SLAMF8: variants seen among roughly 807,000 people sequenced by gnomAD.
The protein encoded by SLAMF8 is B lymphocyte activator macrophage expressed.
SLAMF8 carries 23 observed loss-of-function variants against 29.0 expected under a neutral mutation model. That is an observed-to-expected ratio of 0.79 (90% confidence interval 0.57 to 1.13). SLAMF8 has a LOEUF of 1.13. Ranked by LOEUF, SLAMF8 falls within the 50% of genes most tolerant of loss-of-function variation. SLAMF8 has a pLI of 0.00. For missense variants in SLAMF8, 381 were observed against 353.1 expected, an observed-to-expected ratio of 1.08 and a Z score of -0.63; for synonymous variants, 139 against 145.6, an observed-to-expected ratio of 0.96 and a Z score of 0.32.
chr1:159,830,971 C>T (rs932537214), intron 2 of SLAMF8, among the ~76,000 whole-genome samples: 9 of 152,178 alleles, frequency 5.9e-5, no homozygotes, highest in African/African-American at 2.2e-4. Context: ...GAGCCATTCG[C>T]GCAGCTACAT....
At position 159,836,289 on chromosome 1, in the gene SLAMF8, G is replaced by A. The variant is rs541451491; in HGVS notation, c.*1029G>A. On this transcript the variant is annotated 3_prime_UTR_variant, in exon 5 of 5. Transcript: ENST00000289707. ...AAGACTTACCTTAGTTCAAGGGGAG[G>A]GGACAAAGACCCCACAGCCCAACAG... is the stretch of plus-strand genomic sequence containing the variant. 70 of 984,824 alleles carry A rather than the reference G, an allele frequency of 7.1e-5. No homozygotes were observed. Among genetic ancestry groups the A allele is most frequent in the Non-Finnish European group, 8.1e-5 (67 of 829,398 alleles). The allele number at this position is 984,824 out of a possible 1,614,324, so 61.0% of individuals were successfully genotyped here. A position where few individuals can be genotyped will look rare whatever the true frequency, so the allele number is the denominator to read the frequency against.
At chr1:159,829,708 T>C (rs918027305) in intron 1 of SLAMF8, among the ~76,000 whole-genome samples, 158 bp from the exon 2 acceptor site, 1 of 152,194 alleles carries the variant, frequency 6.6e-6, no homozygotes, top group South Asian at 2.1e-4. Context: ...TTATCTTCCA[T>C]ATGTTTTATC....
At chr1:159,833,205 T>G in intron 3 of SLAMF8, 24 bp downstream of exon 3, 1 of 1,614,042 alleles carries the variant, frequency 6.2e-7, no homozygotes, top group Non-Finnish European at 8.5e-7. Context: ...CAGCAGTCAG[T>G]GGTTGAGGGC....
Position 159,837,243 on chromosome 1 carries a change from T to C in SLAMF8, c.*1983T>C, listed in dbSNP as rs1044903644. On this transcript the variant is annotated 3_prime_UTR_variant, in exon 5 of 5. Coordinates refer to ENST00000289707, the MANE Select transcript of SLAMF8 (RefSeq NM_020125.3). ...CACTGCTCTAATAAAGTTCCCATCC[T>C]TAATGACTCACTTGTCAACTAGTGG... The C allele has an allele frequency of 6.1e-6, 6 of 985,328 alleles. No individual in the cohort carries two copies. Among genetic ancestry groups the C allele is most frequent in the East Asian group, 2.3e-4 (2 of 8,822 alleles). 61.0% of individuals were successfully genotyped at this position (985,328 alleles called of 1,614,324 possible). A position where few individuals can be genotyped will look rare whatever the true frequency, so the allele number is the denominator to read the frequency against.
At chr1:159,830,564 C>G (rs1647421341) in intron 2 of SLAMF8, among the ~76,000 whole-genome samples, 1 of 152,120 alleles carries the variant, frequency 6.6e-6, no homozygotes, top group Non-Finnish European at 1.5e-5. Context: ...GCATCCAGGA[C>G]AGAGCCTGGC....
intron 2 of SLAMF8, 150 bp downstream of exon 2, chr1:159,830,342 A>G (rs990611507): frequency 2.4e-6 from 2 of 841,490 alleles, no homozygotes; most frequent in African/African-American, 3.4e-5. Context: ...GCTCCCTGGC[A>G]GTCACGTCTA....
chr1:159,827,165 T>C (rs916381145), intron 1 of SLAMF8, among the ~76,000 whole-genome samples: 4 of 152,184 alleles, frequency 2.6e-5, no homozygotes, highest in Admixed American at 6.5e-5. Flanking sequence ...GGTATTCTTA[T>C]CTGTGAGACA....
At position 159,835,638 on chromosome 1, in the gene SLAMF8, C is replaced by T; in HGVS notation, c.*378C>T. On this transcript the variant is annotated 3_prime_UTR_variant, in exon 5 of 5. Coordinates refer to ENST00000289707, the MANE Select transcript of SLAMF8 (RefSeq NM_020125.3). ...TTAACCAACTGGCACCAAGGAATTG[C>T]CTCCAGCCTGAGTCCTAGGCTCTAA... 9.9e-7 allele frequency: 1 copy of T among 1,012,246 alleles called. No individual in the cohort carries two copies. Among genetic ancestry groups the T allele is most frequent in the Non-Finnish European group, 1.2e-6 (1 of 846,966 alleles). The allele number at this position is 1,012,246 out of a possible 1,614,324, so 62.7% of individuals were successfully genotyped here.
In SLAMF8 at chr1:159,837,263, T is replaced by C. The variant is rs1243436539; in HGVS notation, c.*2003T>C. The C allele has an allele frequency of 3.0e-6, 3 of 985,368 alleles. No individual in the cohort carries two copies. The highest frequency in any genetic ancestry group is 3.6e-6 in the Non-Finnish European group (3 of 830,002). 61.0% of individuals were successfully genotyped at this position (985,368 alleles called of 1,614,324 possible). A position where few individuals can be genotyped will look rare whatever the true frequency, so the allele number is the denominator to read the frequency against. The stretch of plus-strand genomic sequence containing the variant: ...CATCCTTAATGACTCACTTGTCAAC[T>C]AGTGGACTAATTAACCCTCCACCAA... On this transcript the variant is annotated 3_prime_UTR_variant, in exon 5 of 5. Transcript: ENST00000289707.
At chr1:159,832,656 C>T (rs1249777329) in intron 2 of SLAMF8, among the ~76,000 whole-genome samples, 1 of 152,226 alleles carries the variant, frequency 6.6e-6, no homozygotes, top group Non-Finnish European at 1.5e-5. Context: ...GCAGGAGGTA[C>T]AGCTGGAGAG....
intron 1 of SLAMF8, among the ~76,000 whole-genome samples, chr1:159,829,624 T>C (rs1042685912): frequency 3.9e-5 from 6 of 152,204 alleles, no homozygotes; most frequent in African/African-American, 1.4e-4. Flanking sequence ...TCATGGTATT[T>C]AACAGAATTC....
Position 159,837,367 on chromosome 1 carries a change from C to A in SLAMF8, c.*2107C>A. On this transcript the variant is annotated 3_prime_UTR_variant, in exon 5 of 5. Transcript: ENST00000289707. ...TGATGCTTTGTAAGTCACACCACAA[C>A]AAATATTGATTGAGGGCGCTGCATG... 2 of 937,652 alleles carry A rather than the reference C, an allele frequency of 2.1e-6. No homozygotes were observed. Among genetic ancestry groups the A allele is most frequent in the African/African-American group, 1.8e-5 (1 of 56,300 alleles). 58.1% of individuals were successfully genotyped at this position (937,652 alleles called of 1,614,324 possible).
intron 2 of SLAMF8, 65 bp from the exon 3 acceptor site, chr1:159,832,811 A>G: frequency 1.3e-6 from 2 of 1,554,056 alleles, no homozygotes; most frequent in Non-Finnish European, 1.8e-6. Flanking sequence ...TAGATCCCAG[A>G]GCCAGAGATG....
chr1:159,833,616 C>G (rs998192913), intron 4 of SLAMF8, among the ~76,000 whole-genome samples: 1 of 152,164 alleles, frequency 6.6e-6, no homozygotes, highest in Non-Finnish European at 1.5e-5. Context: ...ACATTGTATT[C>G]CCTCTGCCTG....
intron 4 of SLAMF8, chr1:159,834,620 TC>T (rs1647775144): frequency 6.6e-6 from 1 of 152,420 alleles, no homozygotes; most frequent in East Asian, 1.9e-4. Flanking sequence ...TTCTATTACC[TC>T]CCCCAAAACC....
In SLAMF8 at chr1:159,830,187, T is replaced by C; in HGVS notation, c.362T>C (p.Val121Ala). Residue 121 changes from valine to alanine, a missense_variant, in exon 2 of 5, where the codon GTG becomes GCG. Coordinates refer to ENST00000289707, the MANE Select transcript of SLAMF8 (RefSeq NM_020125.3). Reference protein sequence around the residue: ...QPWTQTLQLKVYDAVPRPVVQ... With the variant: ...QPWTQTLQLKAYDAVPRPVVQ... ...TGGACCCAGACCCTCCAGCTCAAGGTGTACGGTGAGTGTGTCTGACACTGG... is the reference window on the plus strand; with the variant it reads ...TGGACCCAGACCCTCCAGCTCAAGGCGTACGGTGAGTGTGTCTGACACTGG... 1 of 1,593,066 alleles carries C rather than the reference T, an allele frequency of 6.3e-7. No individual in the cohort carries two copies. Among genetic ancestry groups the C allele is most frequent in the Non-Finnish European group, 8.6e-7 (1 of 1,166,376 alleles).
chr1:159,837,239 A>G lies in SLAMF8; in HGVS notation c.*1979A>G, dbSNP rs1256938613. Reference sequence around the variant, plus strand: ...TCCACACTGCTCTAATAAAGTTCCCATCCTTAATGACTCACTTGTCAACTA... The same window carrying G: ...TCCACACTGCTCTAATAAAGTTCCCGTCCTTAATGACTCACTTGTCAACTA... On this transcript the variant is annotated 3_prime_UTR_variant, in exon 5 of 5. Transcript: ENST00000289707. The G allele has an allele frequency of 1.0e-6, 1 of 985,314 alleles. No homozygotes were observed. The highest frequency in any genetic ancestry group is 6.1e-5 in the Admixed American group (1 of 16,264). The allele number at this position is 985,314 out of a possible 1,614,324, so 61.0% of individuals were successfully genotyped here.
rs761277931 is a variant in SLAMF8, at chr1:159,830,065, C to T, written c.240C>T (p.Ala80=). 1.4e-5 allele frequency: 23 copies of T among 1,614,124 alleles called. No individual in the cohort carries two copies. In the South Asian group the frequency reaches 2.5e-4, roughly 18 times the overall value. Residue 80 remains alanine, a synonymous_variant, in exon 2 of 5, where the codon GCC becomes GCT. Coordinates refer to ENST00000289707, the MANE Select transcript of SLAMF8 (RefSeq NM_020125.3). Reference sequence around the variant, plus strand: ...ACCATTCCCGCTTCCTGGGCCGAGCCCAGCTACACAGCAACCTCAGCCTGG... The same window carrying T: ...ACCATTCCCGCTTCCTGGGCCGAGCTCAGCTACACAGCAACCTCAGCCTGG... ...TLYHSRFLGR[A]QLHSNLSLEL...
At chr1:159,834,301 A>G (rs4073419) in intron 4 of SLAMF8, among the ~76,000 whole-genome samples, 29,326 of 152,130 alleles carry the variant, frequency 0.19, 3,394 homozygotes, top group African/African-American at 0.32. Context: ...GGGACAGGCA[A>G]TGCTGATTCC....
Sources: gnomAD v4.1 joint callset for allele counts (sites outside exome capture counted in the v4.1 genomes callset) on GRCh38, gnomAD v4.1.1 for gene constraint, MANE v1.5 for transcripts, NCBI Gene and HGNC (gene_info 2026-07-23, HGNC 2026-07-21) for gene names.